Variants in PLEKHA7 observed in about 807,000 individuals in gnomAD.
PLEKHA7 encodes the protein pleckstrin homology domain containing A7.
A neutral mutation model predicts 170.0 loss-of-function variants in PLEKHA7; 104 were observed. The observed-to-expected ratio is 0.61, with a 90% CI of 0.52 to 0.72. The LOEUF is 0.72. Among genes scored for constraint, PLEKHA7 ranks in the 30% least tolerant of loss-of-function variants. The probability of loss-of-function intolerance (pLI) is 0.00; values close to 1 mark genes in which losing one functional copy is unlikely to be tolerated. For synonymous variants in PLEKHA7, 648 were observed against 660.8 expected (o/e 0.98, Z 0.30); for missense variants, 1,615 against 1,671.7 (o/e 0.97, Z 0.59).
At chr11:16,804,170 A>G (rs1233233456) in intron 13 of PLEKHA7, among the ~76,000 whole-genome samples, 2 of 152,156 alleles carry the variant, frequency 1.3e-5, no homozygotes, top group African/African-American at 2.4e-5. Flanking sequence ...GCACCCTCCC[A>G]TGGCCAAGAT....
chr11:16,808,701 C>G lies in PLEKHA7; in HGVS notation c.2007+4412G>C, dbSNP rs539651213. On this transcript the variant is annotated intron_variant, in intron 13 of 26. Transcript: ENST00000531066. Reference sequence around the variant, plus strand: ...GGCTCCACGAGTGACAGCAGGTACCCTCATCTTCCTGGCTGTGCTTCACCG... The same window carrying G: ...GGCTCCACGAGTGACAGCAGGTACCGTCATCTTCCTGGCTGTGCTTCACCG... Among the ~76,000 whole-genome samples the G allele has an allele frequency of 3.9e-5, 6 of 152,292 alleles. No homozygotes were observed. The East Asian group carries it at 1.2e-3, about 29-fold the overall frequency.
intron 12 of PLEKHA7, chr11:16,815,065 A>C (rs1849648929): frequency 6.5e-6 from 1 of 152,954 alleles, no homozygotes. Context: ...ACAGGCAGCG[A>C]ACACGCGAGA....
chr11:16,951,538 A>T (rs998950806), intron 3 of PLEKHA7, among the ~76,000 whole-genome samples: 1 of 152,136 alleles, frequency 6.6e-6, no homozygotes, highest in Non-Finnish European at 1.5e-5. Context: ...CCCAGAGATG[A>T]TAAGTAAAAG....
intron 3 of PLEKHA7, among the ~76,000 whole-genome samples, chr11:16,920,011 G>A (rs1013224553): frequency 4.6e-5 from 7 of 152,288 alleles, no homozygotes; most frequent in African/African-American, 1.4e-4. Context: ...CACAGCTTGG[G>A]TGGCTGCTAG....
At chr11:16,887,594 C>T (rs1337248717) in intron 3 of PLEKHA7, among the ~76,000 whole-genome samples, 1 of 152,230 alleles carries the variant, frequency 6.6e-6, no homozygotes, top group Non-Finnish European at 1.5e-5. Flanking sequence ...CGGGGTTTCG[C>T]TGTGTTGGCC....
chr11:16,811,763 C>T (rs1268161659), intron 13 of PLEKHA7, among the ~76,000 whole-genome samples: 2 of 152,218 alleles, frequency 1.3e-5, no homozygotes, highest in African/African-American at 4.8e-5. Context: ...ATAGCATCCA[C>T]CTTCCTTCCT....
rs1335801110 is a variant in PLEKHA7 at position 16,803,045 on chromosome 11, A to G, written c.2084T>C (p.Leu695Pro). Reference protein sequence around the residue: ...KIAESDTDVKLSIFCEQDRVL... With the variant: ...KIAESDTDVKPSIFCEQDRVL... ...CCTGTCTTGTTCACAGAAGATGCTC[A>G]GTTTGACCTAAAAGCAAGAACAGGT... The change falls in exon 15 of 27, where the codon CTG becomes CCG. Residue 695 changes from leucine (L) to proline (P), a missense_variant. Transcript: ENST00000531066. 3 of 1,614,104 alleles carry G rather than the reference A, an allele frequency of 1.9e-6. No individual in the cohort carries two copies. Among genetic ancestry groups the G allele is most frequent in the Non-Finnish European group, 2.5e-6 (3 of 1,179,936 alleles).
chr11:16,889,420 A>AAATATATATATAT (rs61086849), intron 3 of PLEKHA7, among the ~76,000 whole-genome samples: 1 of 74,670 alleles, frequency 1.3e-5, no homozygotes, highest in African/African-American at 6.3e-5. Context: ...AAAAAAAAAA[A>AAATATATATATAT]ATATATATAT....
chr11:16,853,416 C>T (rs546872090), intron 6 of PLEKHA7, among the ~76,000 whole-genome samples: 50 of 152,318 alleles, frequency 3.3e-4, no homozygotes, highest in African/African-American at 1.2e-3. Context: ...AAGGTCTTGG[C>T]ACATGATATT....
At chr11:16,884,255 A>G (rs894920595) in intron 3 of PLEKHA7, among the ~76,000 whole-genome samples, 5 of 152,174 alleles carry the variant, frequency 3.3e-5, no homozygotes, top group African/African-American at 4.8e-5. Context: ...CTGAAAACCA[A>G]TTTGTCCCCC....
At position 16,855,874 on chromosome 11, in the gene PLEKHA7, G is replaced by A. The variant is rs1279744626; in HGVS notation, c.346C>T (p.Pro116Ser). Reference sequence around the variant, plus strand: ...GATGTTTCACTGACCATGCTGGACGGTCTTTGGTTTCTGTCTTGCTTCGAC... The same window carrying A: ...GATGTTTCACTGACCATGCTGGACGATCTTTGGTTTCTGTCTTGCTTCGAC... ...HMSKQDRNQR[P>S]SSMVSETSTA... The change falls in exon 5 of 27, where the codon CCG becomes TCG. Residue 116 changes from proline to serine, a missense_variant. Physicochemically the swap from Pro to Ser is moderately conservative, Grantham distance 74. Coordinates refer to ENST00000531066, the MANE Select transcript of PLEKHA7 (RefSeq NM_001329630.2). 6.2e-7 allele frequency: 1 copy of A among 1,614,212 alleles called. No individual in the cohort carries two copies. Among genetic ancestry groups the A allele is most frequent in the Non-Finnish European group, 8.5e-7 (1 of 1,180,022 alleles).
intron 4 of PLEKHA7, among the ~76,000 whole-genome samples, chr11:16,856,659 C>T (rs781723323): frequency 1.4e-4 from 21 of 152,156 alleles, no homozygotes; most frequent in Non-Finnish European, 2.6e-4. Context: ...CATCTCAGTG[C>T]GACACTCAAG....
chr11:16,847,370 G>C (rs1048909911), intron 8 of PLEKHA7, among the ~76,000 whole-genome samples: 14 of 152,074 alleles, frequency 9.2e-5, no homozygotes, highest in African/African-American at 3.4e-4. Context: ...GGGATTACTG[G>C]CTTGAGCCAC....
At chr11:16,784,156 C>T (rs1254630486) in intron 24 of PLEKHA7, among the ~76,000 whole-genome samples, 2 of 152,192 alleles carry the variant, frequency 1.3e-5, no homozygotes, top group Non-Finnish European at 2.9e-5. Context: ...TGATCTGACC[C>T]CTGATGACCT....
intron 3 of PLEKHA7, among the ~76,000 whole-genome samples, chr11:16,892,616 C>CTT (rs1479729633): frequency 2.1e-4 from 17 of 82,864 alleles, no homozygotes; most frequent in African/African-American, 8.5e-4. Context: ...CAGCTTCCAG[C>CTT]TTCTTTTTTT....
intron 26 of PLEKHA7, among the ~76,000 whole-genome samples, chr11:16,781,457 G>A (rs1379888767): frequency 1.3e-5 from 2 of 152,142 alleles, no homozygotes; most frequent in African/African-American, 4.8e-5. Flanking sequence ...TGGGGGAGCC[G>A]CCCCTGCTCG....
chr11:16,851,993 T>C (rs1041346279), intron 7 of PLEKHA7, among the ~76,000 whole-genome samples: 1 of 152,234 alleles, frequency 6.6e-6, no homozygotes, highest in Non-Finnish European at 1.5e-5. Context: ...ATTCACCAGT[T>C]GCTCATCCAA....
chr11:16,841,479 G>A (rs1186534951), intron 9 of PLEKHA7, 68 bp downstream of exon 9: 2 of 1,517,474 alleles, frequency 1.3e-6, no homozygotes, highest in Non-Finnish European at 1.8e-6. Flanking sequence ...AGGCACCCAA[G>A]AGGACCTATC....
At chr11:16,802,402 T>TGGGGTCATCACATATAAGCCAGTG (rs1848653831) in intron 15 of PLEKHA7, among the ~76,000 whole-genome samples, 1 of 152,156 alleles carries the variant, frequency 6.6e-6, no homozygotes, top group African/African-American at 2.4e-5. Context: ...TTCAGGGACC[T>TGGGGTCATCACATATAAGCCAGTG]GGGGTCATCA....
Sources: allele counts gnomAD v4.1 joint callset (sites outside exome capture counted in the v4.1 genomes callset), GRCh38; gene constraint gnomAD v4.1.1; transcripts MANE v1.5; gene names NCBI Gene and HGNC (gene_info 2026-07-23, HGNC 2026-07-21).